ICA1: variants seen among roughly 807,000 people sequenced by gnomAD.
ICA1 encodes islet cell autoantigen 1, also known as 69 kDa islet cell autoantigen.
In ICA1, 40 loss-of-function variants were observed where a neutral mutation model predicts 71.0. The observed-to-expected ratio is 0.56, with a 90% CI of 0.44 to 0.73. The LOEUF (loss-of-function observed/expected upper bound fraction) is 0.73. ICA1 is among the 30% of genes least tolerant of loss of function. The pLI is 0.00. For synonymous variants in ICA1, 207 were observed against 209.5 expected (o/e 0.99, Z 0.10); for missense variants, 578 against 576.5 (o/e 1.00, Z -0.03).
intron 6 of ICA1, among the ~76,000 whole-genome samples, chr7:8,216,584 C>CAAAAAA (rs142208758): frequency 0.018 from 2,582 of 143,638 alleles, 28 homozygotes; most frequent in Non-Finnish European, 0.023. Context: ...AAAACAAAAC[C>CAAAAAA]AAAAAAAAAA....
chr7:8,152,638 TCTCCTCCAC>T (rs1799401231), intron 8 of ICA1, among the ~76,000 whole-genome samples: 1 of 84,614 alleles, frequency 1.2e-5, no homozygotes, highest in African/African-American at 6.7e-5. Flanking sequence ...ACTACCACCA[TCTCCTCCAC>T]CACCACCACC....
chr7:8,150,414 G>A (rs1012404349), intron 8 of ICA1, among the ~76,000 whole-genome samples: 9 of 152,232 alleles, frequency 5.9e-5, no homozygotes, highest in African/African-American at 1.9e-4. Context: ...GGCAGGTACT[G>A]TGCTCTATGT....
intron 7 of ICA1, chr7:8,157,615 G>A (rs1218009486): frequency 1.2e-5 from 2 of 169,290 alleles, no homozygotes; most frequent in Admixed American, 1.3e-4. Context: ...CTCTGTCCTA[G>A]AGGTATAGAA....
At chr7:8,181,323 G>T (rs1782133493) in intron 6 of ICA1, among the ~76,000 whole-genome samples, 1 of 152,180 alleles carries the variant, frequency 6.6e-6, no homozygotes, top group Non-Finnish European at 1.5e-5. Context: ...TATGTAGTCT[G>T]TTCCATCGAT....
intron 1 of ICA1, among the ~76,000 whole-genome samples, chr7:8,250,747 T>G (rs2128524524): frequency 6.6e-6 from 1 of 152,324 alleles, no homozygotes; most frequent in South Asian, 2.1e-4. Context: ...TTTAATTTTG[T>G]GAGTCAGCAA....
chr7:8,221,716 G>C (rs972194737), intron 4 of ICA1, among the ~76,000 whole-genome samples: 4 of 152,220 alleles, frequency 2.6e-5, no homozygotes, highest in African/African-American at 9.6e-5. Flanking sequence ...AAATAAAGGA[G>C]TTGGGTTTGT....
intron 12 of ICA1, among the ~76,000 whole-genome samples, chr7:8,134,331 C>T (rs574925343): frequency 6.6e-6 from 1 of 152,140 alleles, no homozygotes; most frequent in Non-Finnish European, 1.5e-5. Context: ...AGTTTAGACA[C>T]GGTGTGGGAA....
intron 13 of ICA1, among the ~76,000 whole-genome samples, chr7:8,119,212 G>A (rs1785839999): frequency 6.6e-6 from 1 of 152,138 alleles, no homozygotes; most frequent in South Asian, 2.1e-4. Context: ...AGTTCCTGGA[G>A]GGCCAGGAGC....
chr7:8,199,725 A>G (rs56306201), intron 6 of ICA1, among the ~76,000 whole-genome samples: 73,327 of 152,040 alleles, frequency 0.48, 21,795 homozygotes, highest in South Asian at 0.74. Flanking sequence ...AACAAAAACA[A>G]AAAACAAAAG....
chr7:8,134,663 G>T (rs1792714756), intron 12 of ICA1, among the ~76,000 whole-genome samples: 1 of 151,958 alleles, frequency 6.6e-6, no homozygotes, highest in African/African-American at 2.4e-5. Flanking sequence ...GGGAAGATAG[G>T]GAGGAAAACA....
chr7:8,150,823 G>C (rs1476070862), intron 8 of ICA1, among the ~76,000 whole-genome samples: 3 of 152,184 alleles, frequency 2.0e-5, no homozygotes, highest in Admixed American at 1.3e-4. Context: ...TGGCACTTCT[G>C]CTTTCTCCTC....
chr7:8,156,516 G>T, intron 8 of ICA1: 1 of 188,208 alleles, frequency 5.3e-6, no homozygotes, highest in Non-Finnish European at 1.1e-5. Flanking sequence ...TCCATGTGCA[G>T]ATCCAATACT....
intron 8 of ICA1, among the ~76,000 whole-genome samples, chr7:8,153,986 C>T (rs998336123): frequency 6.6e-6 from 1 of 151,470 alleles, no homozygotes; most frequent in South Asian, 2.1e-4. Context: ...TTATAATTAT[C>T]AGATTAAAAT....
intron 5 of ICA1, 55 bp downstream of exon 5, chr7:8,221,220 G>T: frequency 6.2e-7 from 1 of 1,606,106 alleles, no homozygotes; most frequent in Non-Finnish European, 8.5e-7. Flanking sequence ...TGAGTAGGTG[G>T]GTCCCGGAGT....
At chr7:8,120,748 C>A (rs1244277334) in intron 13 of ICA1, among the ~76,000 whole-genome samples, 1 of 150,616 alleles carries the variant, frequency 6.6e-6, no homozygotes, top group Non-Finnish European at 1.5e-5. Flanking sequence ...GAGCAAACTG[C>A]CCCCCGTTAC....
At chr7:8,119,266 G>T (rs1014588500) in intron 13 of ICA1, among the ~76,000 whole-genome samples, 11 of 152,134 alleles carry the variant, frequency 7.2e-5, no homozygotes, top group African/African-American at 2.7e-4. Flanking sequence ...CAGGTGAGGA[G>T]TAGAAACCCC....
At chr7:8,180,401 T>C (rs1317756885) in intron 6 of ICA1, among the ~76,000 whole-genome samples, 2 of 152,170 alleles carry the variant, frequency 1.3e-5, no homozygotes, top group East Asian at 1.9e-4. Flanking sequence ...GAATGAATGG[T>C]ACCACAATTA....
chr7:8,123,216 C>G lies in ICA1; in HGVS notation c.1330+4657G>C, dbSNP rs1349796935. 6.6e-6 allele frequency among the ~76,000 whole-genome samples: 1 copy of G among 152,154 alleles called. No individual in the cohort carries two copies. The highest frequency in any genetic ancestry group is 1.5e-5 in the Non-Finnish European group (1 of 68,032). ...ATTCCTTTGTTTTGGACTCTTAGAGCTTAAAGTAGGGGGAAAAGAGGATAT... is the reference window on the plus strand; with the variant it reads ...ATTCCTTTGTTTTGGACTCTTAGAGGTTAAAGTAGGGGGAAAAGAGGATAT... On this transcript the variant is annotated intron_variant, in intron 13 of 13. Transcript: ENST00000402384. This position sits in a 1 kb window ranked among gnomAD's most constrained non-coding sequence, Gnocchi z 4.1.
chr7:8,122,454 G>T (rs3823839), intron 13 of ICA1, among the ~76,000 whole-genome samples: 81,987 of 152,156 alleles, frequency 0.54, 25,239 homozygotes, highest in African/African-American at 0.86. Flanking sequence ...GTTCCTTCTG[G>T]GGACTAAATT....
Sources: allele counts gnomAD v4.1 joint callset (sites outside exome capture counted in the v4.1 genomes callset), GRCh38; gene constraint gnomAD v4.1.1; non-coding constraint Gnocchi (gnomAD v3.1); transcripts MANE v1.5; gene names NCBI Gene and HGNC (gene_info 2026-07-23, HGNC 2026-07-21).